The following ADAMTSL1 variants were observed in gnomAD, a reference collection of about 807,000 sequenced individuals.
ADAMTSL1 encodes the protein ADAMTS-like protein 1.
ADAMTSL1 carries 126 observed loss-of-function variants against 201.8 expected under a neutral mutation model. That is an observed-to-expected ratio of 0.62 (90% CI 0.54 to 0.72). The LOEUF (loss-of-function observed/expected upper bound fraction) is 0.72. Ranked by LOEUF, ADAMTSL1 falls within the 30% of genes least tolerant of loss-of-function variation. The pLI, the probability that ADAMTSL1 is intolerant of heterozygous loss-of-function variation, is 0.00. For synonymous variants in ADAMTSL1, 1,121 were observed against 903.4 expected (o/e 1.24, Z -4.32); for missense variants, 2,679 against 2,277.8 (o/e 1.18, Z -3.59).
In ADAMTSL1 at chr9:18,681,701, G is replaced by GAA; in HGVS notation, c.1342-111_1342-110insAA. The GAA allele has an allele frequency of 1.3e-5, 6 of 470,098 alleles. 1 individual carries two copies. In the Middle Eastern group the frequency reaches 2.8e-3, roughly 219 times the overall value. 29.1% of individuals were successfully genotyped at this position (470,098 alleles called of 1,614,324 possible). A position where few individuals can be genotyped will look rare whatever the true frequency, so the allele number is the denominator to read the frequency against. On this transcript the variant is annotated intron_variant, in intron 11 of 28. Coordinates refer to ENST00000380548, the MANE Select transcript of ADAMTSL1 (RefSeq NM_001040272.6). ...AATTTACCAGGAGTCCTCGTGTGGG[G>GAA]GGGGGGGGCGGGGAAAAAGAAAACT...
intron 3 of ADAMTSL1, among the ~76,000 whole-genome samples, chr9:18,566,683 A>G (rs113224340): frequency 2.0e-5 from 3 of 152,300 alleles, no homozygotes; most frequent in African/African-American, 7.2e-5. Context: ...CCCTGAAGAC[A>G]CAGGGCCTTG....
intron 2 of ADAMTSL1, among the ~76,000 whole-genome samples, chr9:18,265,043 G>A (rs1370496463): frequency 6.6e-6 from 1 of 152,188 alleles, no homozygotes; most frequent in Non-Finnish European, 1.5e-5. Flanking sequence ...CTTGGTGAAC[G>A]TTTACACTGG....
chr9:18,030,458 G>A (rs187886124), intron 1 of ADAMTSL1, among the ~76,000 whole-genome samples: 2 of 152,108 alleles, frequency 1.3e-5, no homozygotes, highest in East Asian at 3.9e-4. Context: ...GTTAAATGAT[G>A]AGTTAATGGG....
At chr9:18,364,790 T>G (rs1045553232) in intron 2 of ADAMTSL1, among the ~76,000 whole-genome samples, 1 of 151,876 alleles carries the variant, frequency 6.6e-6, no homozygotes, top group African/African-American at 2.4e-5. Context: ...TGGGGGAAGG[T>G]GAAGGGCAAA....
At chr9:18,903,642 C>A (rs966750563) in intron 26 of ADAMTSL1, among the ~76,000 whole-genome samples, 2 of 152,180 alleles carry the variant, frequency 1.3e-5, no homozygotes, top group East Asian at 1.9e-4. Flanking sequence ...ACCACAGTTT[C>A]CTTCTAAGGG....
At position 18,582,908 on chromosome 9, in the gene ADAMTSL1, T is replaced by TAAAAA. The variant is rs1338089443; in HGVS notation, c.474+8643_474+8647dup. Among the ~76,000 whole-genome samples the TAAAAA allele has an allele frequency of 3.3e-5, 5 of 150,984 alleles. 1 individual carries two copies. The East Asian group carries it at 9.7e-4, about 29-fold the overall frequency. On this transcript the variant is annotated intron_variant, in intron 4 of 28. Coordinates refer to ENST00000380548, the MANE Select transcript of ADAMTSL1 (RefSeq NM_001040272.6). ...AAAATAAAAATAAAATAAAATAAAA[T>TAAAAA]AAAAAGGGGAGTTTCCCTGCACAAG...
At position 18,831,484 on chromosome 9, in the gene ADAMTSL1, T is replaced by C. The variant is rs16937136; in HGVS notation, c.4249+1507T>C. Among the ~76,000 whole-genome samples, 852 of 152,326 alleles carry C rather than the reference T, an allele frequency of 5.6e-3. 10 individuals carry two copies. Among genetic ancestry groups the C allele is most frequent in the African/African-American group, 0.019 (787 of 41,566 alleles). On this transcript the variant is annotated intron_variant, in intron 23 of 28. Transcript: ENST00000380548. ...GTCACTCAGGTGCCATTTAGCATGC[T>C]GGAAAAGTTAGCCTGTTCATATTTT...
At chr9:18,546,152 T>A (rs541329002) in intron 3 of ADAMTSL1, among the ~76,000 whole-genome samples, 55 of 152,330 alleles carry the variant, frequency 3.6e-4, no homozygotes, top group Non-Finnish European at 7.2e-4. Flanking sequence ...TTAAAGAGGT[T>A]ATCTTTGAGG....
At chr9:18,356,341 A>G (rs1180592050) in intron 2 of ADAMTSL1, among the ~76,000 whole-genome samples, 1 of 151,994 alleles carries the variant, frequency 6.6e-6, no homozygotes, top group African/African-American at 2.4e-5. Flanking sequence ...GGGTTTCACC[A>G]GGGACCCGCC....
At chr9:18,881,691 C>G (rs887859037) in intron 23 of ADAMTSL1, among the ~76,000 whole-genome samples, 1 of 152,178 alleles carries the variant, frequency 6.6e-6, no homozygotes, top group Admixed American at 6.5e-5. Flanking sequence ...TTGCTTAGCA[C>G]AGGGTTGCCA....
At chr9:18,348,135 T>G (rs1835806150) in intron 2 of ADAMTSL1, among the ~76,000 whole-genome samples, 1 of 152,208 alleles carries the variant, frequency 6.6e-6, no homozygotes, top group South Asian at 2.1e-4. Flanking sequence ...CTTACTAATC[T>G]TTTTAGCAGT....
intron 2 of ADAMTSL1, among the ~76,000 whole-genome samples, chr9:18,429,952 G>A (rs1819410319): frequency 6.6e-6 from 1 of 151,944 alleles, no homozygotes; most frequent in African/African-American, 2.4e-5. Flanking sequence ...ACGACACCCA[G>A]CTAGTTTTTA....
chr9:18,289,152 T>TCTAG (rs1311502561), intron 2 of ADAMTSL1, among the ~76,000 whole-genome samples: 1 of 112,066 alleles, frequency 8.9e-6, no homozygotes, highest in Non-Finnish European at 1.8e-5. Flanking sequence ...TATCTATCTA[T>TCTAG]CTATCTATCT....
intron 2 of ADAMTSL1, among the ~76,000 whole-genome samples, chr9:18,284,576 C>T (rs1323977373): frequency 6.6e-6 from 1 of 152,172 alleles, no homozygotes; most frequent in Non-Finnish European, 1.5e-5. Flanking sequence ...GTAGCAGCAC[C>T]AGGTTTTGTA....
intron 14 of ADAMTSL1, among the ~76,000 whole-genome samples, chr9:18,712,303 C>G (rs953868426): frequency 1.3e-5 from 2 of 152,102 alleles, no homozygotes; most frequent in African/African-American, 4.8e-5. Context: ...TTACTCCGAG[C>G]TATGGGAGGA....
chr9:18,220,195 G>A (rs72684923), intron 2 of ADAMTSL1, among the ~76,000 whole-genome samples: 3 of 151,982 alleles, frequency 2.0e-5, no homozygotes, highest in Non-Finnish European at 2.9e-5. Context: ...ATCAGTTTTG[G>A]TTTAGATATG....
At chr9:18,555,454 C>T (rs1167539385) in intron 3 of ADAMTSL1, among the ~76,000 whole-genome samples, 5 of 151,900 alleles carry the variant, frequency 3.3e-5, no homozygotes, top group Admixed American at 1.3e-4. Flanking sequence ...CTCAGAGTTT[C>T]TAGTCCTACA....
rs12553159 is a variant in ADAMTSL1 at position 18,050,698 on chromosome 9, T to C, written c.88-113164T>C. Among the ~76,000 whole-genome samples the C allele has an allele frequency of 4.9e-3, 741 of 152,282 alleles. 3 individuals are homozygous for C. The highest frequency in any genetic ancestry group is 0.012 in the Admixed American group (182 of 15,294). On this transcript the variant is annotated intron_variant, in intron 1 of 29. Coordinates refer to the ADAMTSL1 transcript ENST00000680146. ...TATGGAAGTGTGCACTTTTTTGTGA[T>C]GTGTCACTCCTTTTGAGACCCAGAG...
At chr9:18,877,365 G>A (rs1588290103) in intron 23 of ADAMTSL1, among the ~76,000 whole-genome samples, 1 of 152,288 alleles carries the variant, frequency 6.6e-6, no homozygotes, top group East Asian at 1.9e-4. Flanking sequence ...GACTATGTCA[G>A]AGGGAAGATC....
Sources: allele counts gnomAD v4.1 joint callset (sites outside exome capture counted in the v4.1 genomes callset), GRCh38; gene constraint gnomAD v4.1.1; transcripts MANE v1.5; gene names NCBI Gene and HGNC (gene_info 2026-07-23, HGNC 2026-07-21).